PIAS4: variants seen among roughly 807,000 people sequenced by gnomAD.
The protein encoded by PIAS4 is protein inhibitor of activated STAT 4.
PIAS4 carries 7 observed loss-of-function variants against 58.0 expected under a neutral mutation model. The ratio of observed to expected loss-of-function variants is 0.12; its 90% confidence interval spans 0.07 to 0.23. The LOEUF is 0.23. Ranked by LOEUF, PIAS4 falls within the 10% of genes least tolerant of loss-of-function variation. The pLI, the probability that PIAS4 is intolerant of heterozygous loss-of-function variation, is 1.00. For synonymous variants in PIAS4, 364 were observed against 312.4 expected (o/e 1.17, Z -1.74); for missense variants, 550 against 709.5 (o/e 0.78, Z 2.55).
rs578162434 is a variant in PIAS4 at position 4,036,542 on chromosome 19, A to G, written c.1143-832A>G. On this transcript the variant is annotated intron_variant, in intron 9 of 10. Coordinates refer to ENST00000262971, the MANE Select transcript of PIAS4 (RefSeq NM_015897.4). ...TATACAGTCCACACCTGTTACATGC[A>G]CACATCTATACAGTCCACACCGTCA... Among the ~76,000 whole-genome samples, 70 of 141,106 alleles carry G rather than the reference A, an allele frequency of 5.0e-4. 5 individuals are homozygous for G. Among genetic ancestry groups the G allele is most frequent in the African/African-American group, 1.9e-3 (65 of 34,598 alleles). 92.6% of individuals were successfully genotyped at this position (141,106 alleles called of 152,430 possible).
intron 7 of PIAS4, among the ~76,000 whole-genome samples, chr19:4,029,452 G>A (rs1357755886): frequency 6.6e-6 from 1 of 152,198 alleles, no homozygotes; most frequent in Admixed American, 6.5e-5. Context: ...GGCGGGTCAC[G>A]GACGGCCAGG....
At chr19:4,022,348 T>A (rs1200405452) in intron 2 of PIAS4, among the ~76,000 whole-genome samples, 5 of 152,114 alleles carry the variant, frequency 3.3e-5, no homozygotes, top group African/African-American at 1.2e-4. Flanking sequence ...TTGTTGTTGT[T>A]GTTTTTGGTG....
intron 2 of PIAS4, among the ~76,000 whole-genome samples, chr19:4,016,560 C>T (rs946698461): frequency 6.6e-5 from 10 of 152,236 alleles, no homozygotes; most frequent in African/African-American, 2.4e-4. Flanking sequence ...TGATAAGTCT[C>T]ATGGCACACG....
At chr19:4,009,057 G>GTGC (rs1454340232) in intron 1 of PIAS4, among the ~76,000 whole-genome samples, 1 of 152,060 alleles carries the variant, frequency 6.6e-6, no homozygotes, top group Non-Finnish European at 1.5e-5. Flanking sequence ...CTTCTTGTAG[G>GTGC]TGCCTACCTA....
intron 9 of PIAS4, among the ~76,000 whole-genome samples, chr19:4,036,926 TCA>T (rs10540651): frequency 0.034 from 5,116 of 151,750 alleles, 116 homozygotes; most frequent in African/African-American, 0.058. Context: ...GTACACATGC[TCA>T]CACACACACA....
rs779718321 is a variant in PIAS4 at position 4,013,030 on chromosome 19, G to T, written c.135G>T (p.Leu45=). The T allele has an allele frequency of 6.2e-7, 1 of 1,613,630 alleles. No individual in the cohort carries two copies. Among genetic ancestry groups the T allele is most frequent in the Non-Finnish European group, 8.5e-7 (1 of 1,179,996 alleles). The change falls in exon 2 of 11, where the codon CTG becomes CTT. Residue 45 remains leucine, a synonymous_variant. Transcript: ENST00000262971. The surrounding 1 kb of genome is among the most constrained non-coding windows in gnomAD (Gnocchi z 5.1). ...KHELVTRALQ[L]VQFDCSPELF... is the part of the protein sequence containing the mutation. ...AGCTCGTCACCAGGGCCCTCCAGCTGGTGCAGTTTGACTGTAGCCCTGAGC... is the reference window on the plus strand; with the variant it reads ...AGCTCGTCACCAGGGCCCTCCAGCTTGTGCAGTTTGACTGTAGCCCTGAGC...
rs767450165 is a variant in PIAS4, at chr19:4,028,482, C to T, written c.582-28C>T. On this transcript the variant is annotated intron_variant, in intron 4 of 10. Coordinates refer to ENST00000262971, the MANE Select transcript of PIAS4 (RefSeq NM_015897.4). ...TAGTCCCTCCTGTGCGCCCCCTCCC[C>T]GCCCCATGGTCCCTGTTGTCGTTGC... is the stretch of plus-strand genomic sequence containing the variant. 45 of 1,571,476 alleles carry T rather than the reference C, an allele frequency of 2.9e-5. 1 individual carries two copies. The Admixed American group carries it at 3.1e-4, about 11-fold the overall frequency.
chr19:4,035,372 G>A (rs370552884), intron 9 of PIAS4, among the ~76,000 whole-genome samples: 31 of 152,276 alleles, frequency 2.0e-4, no homozygotes, highest in African/African-American at 7.0e-4. Context: ...CCCTTCCTGC[G>A]GGTGGGGAGA....
chr19:4,019,023 G>A (rs908676592), intron 2 of PIAS4, among the ~76,000 whole-genome samples: 20 of 152,080 alleles, frequency 1.3e-4, no homozygotes, highest in Admixed American at 9.2e-4. Flanking sequence ...CCCAGGGGGC[G>A]GGCTCTGGCT....
chr19:4,037,330 T>TGGGGGGGGGGGGTTGTGGGGGGGGG lies in PIAS4; in HGVS notation c.1143-40_1143-39insGGGGGGGGTTGTGGGGGGGGGGGGG. ...ATGGAGGGCTGGGGAGTTGGGGGGG[T>TGGGGGGGGGGGGTTGTGGGGGGGGG]GGGGCACCTCCAGCCCCGGCGTCAG... On this transcript the variant is annotated intron_variant, in intron 9 of 10. Coordinates refer to ENST00000262971, the MANE Select transcript of PIAS4 (RefSeq NM_015897.4). This position sits in a 1 kb window ranked among gnomAD's most constrained non-coding sequence, Gnocchi z 5.8. 1.0e-6 allele frequency: 1 copy of TGGGGGGGGGGGGTTGTGGGGGGGGG among 957,418 alleles called. No individual in the cohort carries two copies. The highest frequency in any genetic ancestry group is 1.5e-6 in the Non-Finnish European group (1 of 667,512). 59.3% of individuals were successfully genotyped at this position (957,418 alleles called of 1,614,324 possible).
Position 4,013,140 on chromosome 19 carries a change from A to G in PIAS4, c.245A>G (p.Asp82Gly), listed in dbSNP as rs1305206223. Residue 82 changes from aspartate to glycine, a missense_variant, in exon 2 of 11, where the codon GAC (aspartate) becomes GGC (glycine). Physicochemically the swap from Asp to Gly is moderately conservative, Grantham distance 94. This residue lies in a region of PIAS4 where 95 missense variants were observed against 87.5 expected (regional missense o/e 1.09). Transcript: ENST00000262971. The surrounding 1 kb of genome is among the most constrained non-coding windows in gnomAD (Gnocchi z 5.1). ...GCCCCACAGCCGCACCGGCCCCTGGACCCCCTGACCATGCACTCCACCTAC... is the reference window on the plus strand; with the variant it reads ...GCCCCACAGCCGCACCGGCCCCTGGGCCCCCTGACCATGCACTCCACCTAC... ...EPAPQPHRPLDPLTMHSTYDR... is the reference protein window; with the variant it reads ...EPAPQPHRPLGPLTMHSTYDR... 6.2e-7 allele frequency: 1 copy of G among 1,613,120 alleles called. No homozygotes were observed. Among genetic ancestry groups the G allele is most frequent in the Non-Finnish European group, 8.5e-7 (1 of 1,179,962 alleles).
At chr19:4,016,143 G>GGCGCCACCCCTTTCCAGCCT (rs908084346) in intron 2 of PIAS4, among the ~76,000 whole-genome samples, 1 of 152,220 alleles carries the variant, frequency 6.6e-6, no homozygotes, top group East Asian at 1.9e-4. Context: ...CAAGGAAGCC[G>GGCGCCACCCCTTTCCAGCCT]GCGCCACCCC....
chr19:4,029,121 C>A (rs537303080), intron 7 of PIAS4, 85 bp downstream of exon 7: 2 of 964,770 alleles, frequency 2.1e-6, no homozygotes, highest in East Asian at 2.6e-5. Flanking sequence ...GGGGGCCCTG[C>A]ACCCGGAGGA....
chr19:4,035,752 T>TCA (rs1201731707), intron 9 of PIAS4, among the ~76,000 whole-genome samples: 1 of 59,894 alleles, frequency 1.7e-5, no homozygotes, highest in Non-Finnish European at 3.7e-5. Flanking sequence ...GTCCACACCA[T>TCA]CACACACACA....
chr19:4,014,560 T>TG (rs1206182526), intron 2 of PIAS4, among the ~76,000 whole-genome samples: 1 of 152,130 alleles, frequency 6.6e-6, no homozygotes, highest in African/African-American at 2.4e-5. Flanking sequence ...TCCCCTCCCC[T>TG]GCCCCCACTC....
rs2040241457 is a variant in PIAS4 at position 4,033,329 on chromosome 19, G to A, written c.982-91G>A. 2.9e-6 allele frequency: 4 copies of A among 1,362,102 alleles called. No individual in the cohort carries two copies. In the Admixed American group the frequency reaches 8.2e-5, roughly 28 times the overall value. 84.4% of individuals were successfully genotyped at this position (1,362,102 alleles called of 1,614,324 possible). ...TGTTCCTGAGGCATGAGTGATTGGA[G>A]CGAGCCACAGGATGGAGCTGGGGGT... On this transcript the variant is annotated intron_variant, in intron 8 of 10. Coordinates refer to ENST00000262971, the MANE Select transcript of PIAS4 (RefSeq NM_015897.4).
rs769605924 is a variant in PIAS4 at position 4,013,223 on chromosome 19, G to T, written c.328G>T (p.Val110Leu). 2 of 1,613,474 alleles carry T rather than the reference G, an allele frequency of 1.2e-6. No individual in the cohort carries two copies. The highest frequency in any genetic ancestry group is 2.2e-5 in the South Asian group (2 of 91,078). The change falls in exon 2 of 11, where the codon GTG becomes TTG. Residue 110 changes from valine to leucine, a missense_variant. Around this residue, in one of 4 missense-constraint regions of PIAS4, gnomAD observed 95 missense variants for 87.5 expected, o/e 1.09. Coordinates refer to ENST00000262971, the MANE Select transcript of PIAS4 (RefSeq NM_015897.4). The surrounding 1 kb of genome is among the most constrained non-coding windows in gnomAD (Gnocchi z 5.1). ...GGCAGGCCCCAATATTGACTACCCCGTGCTCTACGGAAAGTACTTAAACGG... is the reference window on the plus strand; with the variant it reads ...GGCAGGCCCCAATATTGACTACCCCTTGCTCTACGGAAAGTACTTAAACGG... ...PLAGPNIDYP[V>L]LYGKYLNGLG...
Position 4,024,076 on chromosome 19 carries a change from C to T in PIAS4, c.495C>T (p.Ile165=). The T allele has an allele frequency of 6.2e-7, 1 of 1,614,100 alleles. No homozygotes were observed. The highest frequency in any genetic ancestry group is 8.5e-7 in the Non-Finnish European group (1 of 1,179,942). ...NNEKLQESPC[I]FALTPRQVEL... is the part of the protein sequence containing the mutation. ...AGAAGCTTCAGGAGAGCCCGTGCAT[C>T]TTCGCATTGACGCCAAGACAGGTGG... The change falls in exon 3 of 11, where the codon ATC becomes ATT. Residue 165 remains isoleucine (I), a synonymous_variant. Transcript: ENST00000262971.
At position 4,038,281 on chromosome 19, in the gene PIAS4, C is replaced by G. The variant is rs1167300073; in HGVS notation, c.*406C>G. 1 of 154,398 alleles carries G rather than the reference C, an allele frequency of 6.5e-6. No homozygotes were observed. Among genetic ancestry groups the G allele is most frequent in the East Asian group, 1.9e-4 (1 of 5,168 alleles). 9.6% of individuals were successfully genotyped at this position (154,398 alleles called of 1,614,324 possible). A position where few individuals can be genotyped will look rare whatever the true frequency, so the allele number is the denominator to read the frequency against. ...GACCATTCCAGCCAGTGCGCGGGGACCCGGGCGGCGGGCGGTGGGGCGCAG... is the reference window on the plus strand; with the variant it reads ...GACCATTCCAGCCAGTGCGCGGGGAGCCGGGCGGCGGGCGGTGGGGCGCAG... On this transcript the variant is annotated 3_prime_UTR_variant, in exon 11 of 11. Transcript: ENST00000262971. This position sits in a 1 kb window ranked among gnomAD's most constrained non-coding sequence, Gnocchi z 4.1.
Sources: gnomAD v4.1 joint callset for allele counts (sites outside exome capture counted in the v4.1 genomes callset) on GRCh38, gnomAD v4.1.1 for gene constraint, gnomAD v4.1.1 regional missense constraint, Gnocchi (gnomAD v3.1) non-coding constraint, MANE v1.5 for transcripts, NCBI Gene and HGNC (gene_info 2026-07-23, HGNC 2026-07-21) for gene names.